THSD4: variants seen among roughly 807,000 people sequenced by gnomAD.
THSD4 encodes the protein thrombospondin type-1 domain-containing protein 4.
In THSD4, 69 loss-of-function variants were observed where a neutral mutation model predicts 119.0. That is an observed-to-expected ratio of 0.58 (90% CI 0.48 to 0.71). The LOEUF (loss-of-function observed/expected upper bound fraction) is 0.71, where lower values mean the gene tolerates loss of function less well. THSD4 is among the 30% of genes least tolerant of loss of function. The pLI, the probability that THSD4 is intolerant of heterozygous loss-of-function variation, is 0.00. For synonymous variants in THSD4, 524 were observed against 540.4 expected, an observed-to-expected ratio of 0.97 and a Z score of 0.42; for missense variants, 1,393 against 1,391.1, an observed-to-expected ratio of 1.00 and a Z score of -0.02.
At chr15:71,360,303 G>A (rs551047644) in intron 6 of THSD4, among the ~76,000 whole-genome samples, 2 of 152,198 alleles carry the variant, frequency 1.3e-5, no homozygotes, top group African/African-American at 4.8e-5. Context: ...GAAGCTGCAG[G>A]GTTTCTTATG....
At chr15:71,445,174 T>C (rs1230722072) in intron 7 of THSD4, among the ~76,000 whole-genome samples, 1 of 152,198 alleles carries the variant, frequency 6.6e-6, no homozygotes. Context: ...ATTTCTTCTA[T>C]AGTGCTGTTA....
intron 1 of THSD4, among the ~76,000 whole-genome samples, chr15:71,109,023 C>A (rs539336657): frequency 0.013 from 1,939 of 151,936 alleles, 43 homozygotes; most frequent in African/African-American, 0.044. Context: ...AAAAAACAAA[C>A]AAAAAAACAA....
At chr15:71,682,015 T>A (rs2051792754) in intron 8 of THSD4, among the ~76,000 whole-genome samples, 1 of 152,150 alleles carries the variant, frequency 6.6e-6, no homozygotes, top group African/African-American at 2.4e-5. Context: ...ATGGGCACGG[T>A]CTCTCAGTAC....
chr15:71,122,664 G>A (rs1409663444), intron 1 of THSD4, among the ~76,000 whole-genome samples: 3 of 152,086 alleles, frequency 2.0e-5, no homozygotes, highest in East Asian at 1.9e-4. Flanking sequence ...TTTCCCACTT[G>A]CCACCTAAGC....
At position 71,259,137 on chromosome 15, in the gene THSD4, A is replaced by AAAG. The variant is rs375675851; in HGVS notation, c.1015+2427_1015+2429dup. 2.9e-3 allele frequency among the ~76,000 whole-genome samples: 436 copies of AAAG among 152,060 alleles called. 2 individuals carry two copies. Among genetic ancestry groups the AAAG allele is most frequent in the African/African-American group, 9.5e-3 (395 of 41,486 alleles). On this transcript the variant is annotated intron_variant, in intron 6 of 17. Coordinates refer to ENST00000261862, the MANE Select transcript of THSD4 (RefSeq NM_024817.3). ...TCAAAAAAAAACAAAAAACAAAAAAAAAGAAGAGGAGAAAGGACACAGACA... is the reference window on the plus strand; with the variant it reads ...TCAAAAAAAAACAAAAAACAAAAAAAAAGAAGAAGAGGAGAAAGGACACAGACA...
chr15:71,674,457 C>T (rs1221155211), intron 8 of THSD4, among the ~76,000 whole-genome samples: 1 of 152,132 alleles, frequency 6.6e-6, no homozygotes, highest in East Asian at 1.9e-4. Context: ...TATTAGTTCC[C>T]ATATCTCCCT....
At chr15:71,572,438 A>G (rs1448623162) in intron 7 of THSD4, among the ~76,000 whole-genome samples, 4 of 152,228 alleles carry the variant, frequency 2.6e-5, no homozygotes, top group South Asian at 2.1e-4. Context: ...CCACTTACAC[A>G]GTATACCACT....
At chr15:71,741,488 G>A (rs572676139) in intron 11 of THSD4, among the ~76,000 whole-genome samples, 45 of 151,952 alleles carry the variant, frequency 3.0e-4, no homozygotes, top group African/African-American at 8.9e-4. Context: ...GCAAGACTCC[G>A]TCTCAAAACA....
intron 17 of THSD4, among the ~76,000 whole-genome samples, chr15:71,773,043 G>A (rs1050672242): frequency 6.6e-6 from 1 of 151,604 alleles, no homozygotes; most frequent in African/African-American, 2.4e-5. Context: ...GGCAAAAAAC[G>A]CTTAAAAATT....
chr15:71,298,905 C>A (rs1340335239), intron 6 of THSD4, among the ~76,000 whole-genome samples: 4 of 152,214 alleles, frequency 2.6e-5, no homozygotes, highest in Non-Finnish European at 2.9e-5. Context: ...GAGCCGTGCA[C>A]ACAGCCCAGT....
chr15:71,116,939 TG>T (rs1325912207), intron 1 of THSD4, among the ~76,000 whole-genome samples: 1 of 152,124 alleles, frequency 6.6e-6, no homozygotes, highest in Non-Finnish European at 1.5e-5. Context: ...TATAGATTTT[TG>T]TTGGCATCAT....
At chr15:71,629,591 C>T (rs2050579591) in intron 7 of THSD4, among the ~76,000 whole-genome samples, 1 of 152,158 alleles carries the variant, frequency 6.6e-6, no homozygotes, top group African/African-American at 2.4e-5. Flanking sequence ...GAACTCAGCT[C>T]TAGAGGATGT....
At chr15:71,297,716 C>G (rs2044886013) in intron 6 of THSD4, among the ~76,000 whole-genome samples, 1 of 152,152 alleles carries the variant, frequency 6.6e-6, no homozygotes, top group African/African-American at 2.4e-5. Context: ...TTAAGCAATC[C>G]TTCCACCTCA....
At chr15:71,112,045 C>G (rs747607578), upstream of THSD4, 1 of 1,542,562 alleles carries the variant, frequency 6.5e-7, no homozygotes, top group African/African-American at 1.4e-5. Flanking sequence ...TTCCTGTAAT[C>G]TGTTCACACG....
intron 8 of THSD4, among the ~76,000 whole-genome samples, chr15:71,691,165 A>T (rs1470884275): frequency 6.6e-6 from 1 of 152,196 alleles, no homozygotes. Flanking sequence ...CAACTCTAGC[A>T]GCTGGAAAGG....
At chr15:71,672,529 A>G (rs986304600) in intron 8 of THSD4, among the ~76,000 whole-genome samples, 14 of 152,206 alleles carry the variant, frequency 9.2e-5, no homozygotes, top group Non-Finnish European at 1.9e-4. Context: ...ACTATGTTGA[A>G]TAGGAGTGGT....
chr15:71,312,109 G>A (rs1326209163), intron 6 of THSD4, among the ~76,000 whole-genome samples: 1 of 152,176 alleles, frequency 6.6e-6, no homozygotes, highest in Non-Finnish European at 1.5e-5. Flanking sequence ...ACTGTATAGT[G>A]CTCCCCTCAA....
At chr15:71,343,841 C>T (rs11072271) in intron 6 of THSD4, among the ~76,000 whole-genome samples, 101,034 of 150,828 alleles carry the variant, frequency 0.67, 34,152 homozygotes, top group East Asian at 0.81. Flanking sequence ...GCGTCCTGAG[C>T]AGCTGGAACT....
intron 2 of THSD4, among the ~76,000 whole-genome samples, chr15:71,146,729 G>A (rs2040665693): frequency 6.6e-6 from 1 of 152,162 alleles, no homozygotes. Flanking sequence ...TGGGAAGCCC[G>A]GGAGGAGCCA....
Sources: allele counts gnomAD v4.1 joint callset (sites outside exome capture counted in the v4.1 genomes callset), GRCh38; gene constraint gnomAD v4.1.1; transcripts MANE v1.5; gene names NCBI Gene and HGNC (gene_info 2026-07-23, HGNC 2026-07-21).